The following IGF1R variants were observed in gnomAD, a reference collection of about 807,000 sequenced individuals.
IGF1R encodes the protein insulin like growth factor 1 receptor, also known as insulin-like growth factor 1 receptor.
IGF1R carries 44 observed loss-of-function variants against 144.6 expected under a neutral mutation model. The observed-to-expected ratio is 0.30, with a 90% CI of 0.24 to 0.39. The LOEUF is 0.39. Among genes scored for constraint, IGF1R ranks in the 10% least tolerant of loss-of-function variants. The probability of loss-of-function intolerance (pLI) is 1.00; values close to 1 mark genes in which losing one functional copy is unlikely to be tolerated. For synonymous variants in IGF1R, 795 were observed against 722.8 expected, an observed-to-expected ratio of 1.10 and a Z score of -1.60; for missense variants, 1,355 against 1,833.7, an observed-to-expected ratio of 0.74 and a Z score of 4.77.
chr15:98,705,336 G>A (rs1488775542), intron 1 of IGF1R, among the ~76,000 whole-genome samples: 3 of 152,274 alleles, frequency 2.0e-5, no homozygotes, highest in Middle Eastern at 6.8e-3. Context: ...AAGCTCAGTC[G>A]GAGTGGGTTA....
intron 2 of IGF1R, among the ~76,000 whole-genome samples, chr15:98,804,057 C>T (rs1307265321): frequency 6.6e-6 from 1 of 152,172 alleles, no homozygotes; most frequent in Non-Finnish European, 1.5e-5. Context: ...AATTTTCTAG[C>T]TATATTCTAT....
chr15:98,738,386 G>A (rs538009137), intron 2 of IGF1R, among the ~76,000 whole-genome samples: 1 of 152,252 alleles, frequency 6.6e-6, no homozygotes, highest in South Asian at 2.1e-4. Flanking sequence ...AGTGATCAGT[G>A]GGACCTGGGC....
intron 1 of IGF1R, among the ~76,000 whole-genome samples, chr15:98,694,823 C>T (rs570148400): frequency 6.6e-5 from 10 of 152,266 alleles, no homozygotes; most frequent in South Asian, 4.1e-4. Flanking sequence ...TCGGGGAGGC[C>T]GACTTTCCTG....
At chr15:98,702,583 C>CT (rs1175004601) in intron 1 of IGF1R, among the ~76,000 whole-genome samples, 1 of 152,182 alleles carries the variant, frequency 6.6e-6, no homozygotes, top group African/African-American at 2.4e-5. Context: ...CTGCCTTGGG[C>CT]TACCAGAGTG....
At chr15:98,808,526 C>T (rs1198049894) in intron 2 of IGF1R, among the ~76,000 whole-genome samples, 1 of 152,150 alleles carries the variant, frequency 6.6e-6, no homozygotes, top group Admixed American at 6.5e-5. Flanking sequence ...TTAATATATA[C>T]ATTCATTGAG....
At chr15:98,915,846 A>C in intron 8 of IGF1R, 118 bp from the exon 9 acceptor site, 1 of 897,582 alleles carries the variant, frequency 1.1e-6, no homozygotes. Flanking sequence ...TTCATTGTTC[A>C]TTGTTATTTT....
At chr15:98,742,383 G>C (rs2054765980) in intron 2 of IGF1R, among the ~76,000 whole-genome samples, 1 of 152,318 alleles carries the variant, frequency 6.6e-6, no homozygotes, top group South Asian at 2.1e-4. Context: ...AGCAGGAGTG[G>C]TGAGAGGCTT....
chr15:98,845,375 C>G (rs1002554217), intron 2 of IGF1R, among the ~76,000 whole-genome samples: 10 of 148,724 alleles, frequency 6.7e-5, no homozygotes, highest in African/African-American at 2.5e-4. Flanking sequence ...TCTTCTCTCT[C>G]CTCCTCCTCC....
Position 98,649,469 on chromosome 15 carries a change from A to C in IGF1R, c.-113A>C. The C allele has an allele frequency of 1.4e-6, 1 of 730,424 alleles. No individual in the cohort carries two copies. 45.2% of individuals were successfully genotyped at this position (730,424 alleles called of 1,614,324 possible). A position where few individuals can be genotyped will look rare whatever the true frequency, so the allele number is the denominator to read the frequency against. On this transcript the variant is annotated 5_prime_UTR_variant, in exon 1 of 21. Coordinates refer to ENST00000650285, the MANE Select transcript of IGF1R (RefSeq NM_000875.5). The stretch of plus-strand genomic sequence containing the variant: ...CCTTCGCCCTTGTTTTTGGAGGGGG[A>C]GCGAAGACTGAGTTTGAGACTTGTT...
intron 18 of IGF1R, 147 bp from the exon 19 acceptor site, chr15:98,942,776 C>G: frequency 1.1e-6 from 1 of 933,470 alleles, no homozygotes; most frequent in Non-Finnish European, 1.7e-6. Flanking sequence ...TATAAAATTG[C>G]AAACCCTAAT....
At position 98,891,283 on chromosome 15, in the gene IGF1R, C is replaced by T. The variant is rs766794042; in HGVS notation, c.641-42C>T. On this transcript the variant is annotated intron_variant, in intron 2 of 20. Coordinates refer to ENST00000650285, the MANE Select transcript of IGF1R (RefSeq NM_000875.5). The surrounding 1 kb of genome is among the most constrained non-coding windows in gnomAD (Gnocchi z 4.7). Reference sequence around the variant, plus strand: ...GCCAGGCCCAGAGAAGGCGGTGCCTCCCCTGCCCGGTCTCATCTCCGTCTC... The same window carrying T: ...GCCAGGCCCAGAGAAGGCGGTGCCTTCCCTGCCCGGTCTCATCTCCGTCTC... The T allele has an allele frequency of 1.3e-5, 20 of 1,585,098 alleles. No homozygotes were observed. In the South Asian group the frequency reaches 2.0e-4, roughly 16 times the overall value.
chr15:98,840,874 T>A (rs1210301173), intron 2 of IGF1R, among the ~76,000 whole-genome samples: 2 of 152,062 alleles, frequency 1.3e-5, no homozygotes, highest in Non-Finnish European at 2.9e-5. Flanking sequence ...AGAGACGGGG[T>A]TTCACCATGT....
At chr15:98,908,643 G>A in intron 5 of IGF1R, 42 bp from the exon 6 acceptor site, 1 of 1,525,248 alleles carries the variant, frequency 6.6e-7, no homozygotes, top group Non-Finnish European at 9.1e-7. Flanking sequence ...AGGGGACTGT[G>A]GCCAAGGGCA....
chr15:98,892,225 T>G (rs542399019), intron 3 of IGF1R, among the ~76,000 whole-genome samples: 1 of 152,252 alleles, frequency 6.6e-6, no homozygotes, highest in East Asian at 1.9e-4. Flanking sequence ...TTCATTTTCC[T>G]TCCTGAACTT....
At chr15:98,852,489 GCTGGAGTGT>G (rs1036247793) in intron 2 of IGF1R, among the ~76,000 whole-genome samples, 3 of 152,370 alleles carry the variant, frequency 2.0e-5, no homozygotes, top group South Asian at 2.1e-4. Flanking sequence ...GCAGCGACTG[GCTGGAGTGT>G]CTGTCAGTCA....
intron 2 of IGF1R, among the ~76,000 whole-genome samples, chr15:98,724,258 A>T (rs1596236055): frequency 1.3e-5 from 2 of 152,292 alleles, no homozygotes; most frequent in South Asian, 4.1e-4. Context: ...TGCAAAACGC[A>T]TTTTTAAGGA....
intron 2 of IGF1R, among the ~76,000 whole-genome samples, chr15:98,718,253 CTCT>C (rs760183297): frequency 7.9e-5 from 12 of 152,206 alleles, no homozygotes; most frequent in Non-Finnish European, 1.3e-4. Flanking sequence ...GCCCAGTCCT[CTCT>C]TCTTTCTTCC....
intron 2 of IGF1R, among the ~76,000 whole-genome samples, chr15:98,757,948 T>C (rs1330426689): frequency 6.6e-6 from 1 of 152,232 alleles, no homozygotes; most frequent in Non-Finnish European, 1.5e-5. Context: ...TGCCTAACAA[T>C]TTGAAAATCT....
intron 5 of IGF1R, among the ~76,000 whole-genome samples, chr15:98,906,814 C>T (rs1184448502): frequency 1.3e-5 from 2 of 152,214 alleles, no homozygotes; most frequent in Admixed American, 6.5e-5. Context: ...GTCCAGAGGC[C>T]TGAAGATGGG....
Sources: allele counts gnomAD v4.1 joint callset (sites outside exome capture counted in the v4.1 genomes callset), GRCh38; gene constraint gnomAD v4.1.1; non-coding constraint Gnocchi (gnomAD v3.1); transcripts MANE v1.5; gene names NCBI Gene and HGNC (gene_info 2026-07-23, HGNC 2026-07-21).